Variants in PRKCA observed in about 807,000 individuals in gnomAD.
PRKCA encodes the protein protein kinase C alpha.
Under a neutral mutation model 87.0 loss-of-function variants are expected in PRKCA, and 27 were observed. The observed-to-expected ratio is 0.31, with a 90% CI of 0.23 to 0.43. The LOEUF is 0.43. Among genes scored for constraint, PRKCA ranks in the 20% least tolerant of loss-of-function variants. The probability of loss-of-function intolerance (pLI) is 1.00; values close to 1 mark genes in which losing one functional copy is unlikely to be tolerated. For synonymous variants in PRKCA, 329 were observed against 311.1 expected (o/e 1.06, Z -0.61); for missense variants, 518 against 852.3 (o/e 0.61, Z 4.88).
chr17:66,683,620 G>A (rs1178743128), intron 5 of PRKCA, among the ~76,000 whole-genome samples: 2 of 152,052 alleles, frequency 1.3e-5, no homozygotes, highest in African/African-American at 2.4e-5. Context: ...GGGTCGGGGG[G>A]ATAGAGTCTC....
chr17:66,795,618 A>G (rs1419098364), intron 16 of PRKCA, among the ~76,000 whole-genome samples: 1 of 152,264 alleles, frequency 6.6e-6, no homozygotes, highest in Non-Finnish European at 1.5e-5. Context: ...ATAAATAAGC[A>G]TCACTACTGC....
intron 2 of PRKCA, among the ~76,000 whole-genome samples, chr17:66,435,215 C>G (rs9900796): frequency 0.086 from 13,165 of 152,256 alleles, 663 homozygotes; most frequent in African/African-American, 0.14. Context: ...AGCCTGGGGA[C>G]TGCGTCCTGG....
chr17:66,390,075 T>A (rs1194427029), intron 2 of PRKCA, among the ~76,000 whole-genome samples: 2 of 152,072 alleles, frequency 1.3e-5, no homozygotes, highest in African/African-American at 2.4e-5. Context: ...AATACAAAAT[T>A]AGCCAGGTGT....
chr17:66,436,603 A>G (rs1035150230), intron 2 of PRKCA, among the ~76,000 whole-genome samples: 1 of 152,210 alleles, frequency 6.6e-6, no homozygotes, highest in Non-Finnish European at 1.5e-5. Flanking sequence ...AGATTTGGGA[A>G]TCAGTCGCAG....
At chr17:66,587,676 C>T (rs535373834) in intron 3 of PRKCA, among the ~76,000 whole-genome samples, 88 of 144,764 alleles carry the variant, frequency 6.1e-4, no homozygotes, top group Non-Finnish European at 6.0e-4. Context: ...TACATATATA[C>T]GTATATGTGT....
intron 2 of PRKCA, among the ~76,000 whole-genome samples, chr17:66,351,271 G>C (rs1025452156): frequency 6.6e-6 from 1 of 152,208 alleles, no homozygotes; most frequent in Non-Finnish European, 1.5e-5. Flanking sequence ...CTATGGGCGC[G>C]TGCCAACTGA....
intron 3 of PRKCA, among the ~76,000 whole-genome samples, chr17:66,621,012 A>C (rs1326446215): frequency 6.6e-6 from 1 of 152,216 alleles, no homozygotes; most frequent in Non-Finnish European, 1.5e-5. Flanking sequence ...TCTTTCAATG[A>C]CTTAGTTCTA....
At chr17:66,543,768 T>G (rs991885980) in intron 3 of PRKCA, among the ~76,000 whole-genome samples, 1 of 152,184 alleles carries the variant, frequency 6.6e-6, no homozygotes, top group Non-Finnish European at 1.5e-5. Context: ...CCCTACACCA[T>G]AGAAAAGGCT....
intron 3 of PRKCA, among the ~76,000 whole-genome samples, chr17:66,620,794 C>T (rs1202888340): frequency 6.6e-6 from 1 of 152,174 alleles, no homozygotes; most frequent in Non-Finnish European, 1.5e-5. Flanking sequence ...AAATTTCAGC[C>T]AAACATCTTG....
intron 2 of PRKCA, among the ~76,000 whole-genome samples, chr17:66,372,793 G>C (rs1048340927): frequency 2.0e-5 from 3 of 152,084 alleles, no homozygotes; most frequent in South Asian, 2.1e-4. Context: ...GCAGTGGCTC[G>C]CACCTGTAAT....
chr17:66,665,981 C>T (rs146400214), intron 5 of PRKCA, among the ~76,000 whole-genome samples: 5 of 152,238 alleles, frequency 3.3e-5, no homozygotes, highest in Non-Finnish European at 7.4e-5. Context: ...TGACCAGGCC[C>T]CTAGAGACCA....
intron 13 of PRKCA, among the ~76,000 whole-genome samples, chr17:66,765,463 TATA>T (rs1354040273): frequency 3.6e-5 from 5 of 140,620 alleles, no homozygotes; most frequent in African/African-American, 5.2e-5. Flanking sequence ...TATCCATATA[TATA>T]CATATTTGTC....
intron 13 of PRKCA, among the ~76,000 whole-genome samples, chr17:66,771,253 C>T: frequency 6.6e-6 from 1 of 152,178 alleles, no homozygotes; most frequent in East Asian, 1.9e-4. Flanking sequence ...AATCCACCCA[C>T]CTCGGCTTCC....
chr17:66,579,523 G>A (rs1969353363), intron 3 of PRKCA, among the ~76,000 whole-genome samples: 1 of 152,176 alleles, frequency 6.6e-6, no homozygotes, highest in Non-Finnish European at 1.5e-5. Flanking sequence ...CAAGAAAGGT[G>A]CTTTTACCAT....
At chr17:66,581,692 G>T (rs969109357) in intron 3 of PRKCA, among the ~76,000 whole-genome samples, 1 of 152,056 alleles carries the variant, frequency 6.6e-6, no homozygotes, top group Non-Finnish European at 1.5e-5. Flanking sequence ...AGCCAGGATG[G>T]TCTCAATCTC....
intron 3 of PRKCA, among the ~76,000 whole-genome samples, chr17:66,592,377 A>T (rs1969837553): frequency 6.7e-6 from 1 of 149,908 alleles, no homozygotes; most frequent in Admixed American, 6.7e-5. Flanking sequence ...CATTGGCCAA[A>T]TCACCATTTT....
At chr17:66,450,668 C>A (rs903172853) in intron 2 of PRKCA, among the ~76,000 whole-genome samples, 1 of 152,212 alleles carries the variant, frequency 6.6e-6, no homozygotes, top group African/African-American at 2.4e-5. Context: ...ACACACTTAA[C>A]ACTCTCTTTG....
intron 2 of PRKCA, among the ~76,000 whole-genome samples, chr17:66,438,158 T>C (rs1913513942): frequency 1.3e-5 from 2 of 152,168 alleles, no homozygotes; most frequent in South Asian, 2.1e-4. Context: ...CTGCCCTTCA[T>C]CTTGTGTGAC....
intron 3 of PRKCA, among the ~76,000 whole-genome samples, chr17:66,527,170 G>T (rs1280027514): frequency 6.6e-6 from 1 of 152,172 alleles, no homozygotes; most frequent in Non-Finnish European, 1.5e-5. Flanking sequence ...CAACTGGATA[G>T]AATCCATTTG....
Sources: gnomAD v4.1 joint callset for allele counts (sites outside exome capture counted in the v4.1 genomes callset) on GRCh38, gnomAD v4.1.1 for gene constraint, MANE v1.5 for transcripts, NCBI Gene and HGNC (gene_info 2026-07-23, HGNC 2026-07-21) for gene names.